PCDHAC1: variants seen among roughly 807,000 people sequenced by gnomAD.
The protein encoded by PCDHAC1 is protocadherin alpha-C1.
In PCDHAC1, 42 loss-of-function variants were observed where a neutral mutation model predicts 60.0. That is an observed-to-expected ratio of 0.70 (90% CI 0.55 to 0.90). PCDHAC1 has a LOEUF of 0.90. Ranked by LOEUF, PCDHAC1 falls within the 40% of genes least tolerant of loss-of-function variation. The pLI is 0.00. For synonymous variants in PCDHAC1, 468 were observed against 499.3 expected (o/e 0.94, Z 0.84); for missense variants, 1,160 against 1,222.3 (o/e 0.95, Z 0.76).
rs782361945 is a variant in PCDHAC1 at position 140,928,844 on chromosome 5, C to T, written c.1952C>T (p.Thr651Ile). The T allele has an allele frequency of 1.2e-6, 2 of 1,614,168 alleles. No homozygotes were observed. Among genetic ancestry groups the T allele is most frequent in the Non-Finnish European group, 1.7e-6 (2 of 1,180,028 alleles). The change falls in exon 1 of 4, where the codon ACT becomes ATT. Residue 651 changes from threonine (T) to isoleucine (I), a missense_variant. By Grantham distance (89) the Thr-to-Ile change is moderately conservative. Coordinates refer to ENST00000253807, the MANE Select transcript of PCDHAC1 (RefSeq NM_018898.5). ...HGDPPLSSSVTLGVLLSNSVP... is the reference protein window; with the variant it reads ...HGDPPLSSSVILGVLLSNSVP... Reference sequence around the variant, plus strand: ...GACCCACCACTTTCCTCCTCTGTCACTCTGGGTGTGCTGTTGAGCAACTCT... The same window carrying T: ...GACCCACCACTTTCCTCCTCTGTCATTCTGGGTGTGCTGTTGAGCAACTCT...
intron 3 of PCDHAC1, among the ~76,000 whole-genome samples, chr5:141,002,678 C>T (rs1361402849): frequency 6.6e-6 from 1 of 152,136 alleles, no homozygotes; most frequent in Non-Finnish European, 1.5e-5. Context: ...AAAACCTATA[C>T]GACGTGCAGA....
At chr5:140,990,097 T>C (rs2097373826) in intron 3 of PCDHAC1, among the ~76,000 whole-genome samples, 1 of 151,922 alleles carries the variant, frequency 6.6e-6, no homozygotes, top group African/African-American at 2.4e-5. Flanking sequence ...GTGCTACTAT[T>C]GAAACAGGAA....
intron 2 of PCDHAC1, among the ~76,000 whole-genome samples, chr5:140,979,396 G>C (rs2096848299): frequency 6.6e-6 from 1 of 151,692 alleles, no homozygotes; most frequent in South Asian, 2.1e-4. Flanking sequence ...ATACATACAT[G>C]TTGTCTACCT....
chr5:141,010,225 C>T lies in PCDHAC1; in HGVS notation c.*288C>T. The T allele has an allele frequency of 6.4e-7, 1 of 1,551,848 alleles. No homozygotes were observed. The highest frequency in any genetic ancestry group is 8.7e-7 in the Non-Finnish European group (1 of 1,147,026). The stretch of plus-strand genomic sequence containing the variant: ...CCGCCGCAAAGGAGAGGCTTCCCAG[C>T]CCCGCCAGTGAGAGGTTGGACTCTC... On this transcript the variant is annotated 3_prime_UTR_variant, in exon 4 of 4. Coordinates refer to ENST00000253807, the MANE Select transcript of PCDHAC1 (RefSeq NM_018898.5).
chr5:140,985,273 T>C (rs1554246915), intron 3 of PCDHAC1, among the ~76,000 whole-genome samples: 1 of 152,178 alleles, frequency 6.6e-6, no homozygotes, highest in African/African-American at 2.4e-5. Context: ...GGACTACTTT[T>C]CTGCAATCTA....
chr5:140,966,699 C>A, intron 1 of PCDHAC1: 1 of 1,361,588 alleles, frequency 7.3e-7, no homozygotes, highest in Non-Finnish European at 9.4e-7. Context: ...GGGGCCCGGG[C>A]GTGGGGCACG....
intron 1 of PCDHAC1, among the ~76,000 whole-genome samples, chr5:140,940,230 T>C (rs1554213224): frequency 6.6e-6 from 1 of 152,212 alleles, no homozygotes; most frequent in Non-Finnish European, 1.5e-5. Flanking sequence ...TTCATTTTGG[T>C]ACATTAAAGT....
chr5:140,967,943 G>T, intron 1 of PCDHAC1: 1 of 1,614,190 alleles, frequency 6.2e-7, no homozygotes. Flanking sequence ...CAATGACCAA[G>T]ACTCAGGCCC....
At chr5:141,000,395 CTATATATA>C (rs1190667031) in intron 3 of PCDHAC1, among the ~76,000 whole-genome samples, 7 of 53,980 alleles carry the variant, frequency 1.3e-4, no homozygotes, top group South Asian at 8.9e-4. Flanking sequence ...CTCTCTCTCT[CTATATATA>C]TATATATATA....
chr5:140,997,100 T>G (rs1286807919), intron 3 of PCDHAC1, among the ~76,000 whole-genome samples: 1 of 152,170 alleles, frequency 6.6e-6, no homozygotes, highest in Non-Finnish European at 1.5e-5. Flanking sequence ...AGAGTTCTCA[T>G]GCACTCCTGC....
chr5:140,999,295 T>G (rs1554256739), intron 3 of PCDHAC1, among the ~76,000 whole-genome samples: 1 of 152,238 alleles, frequency 6.6e-6, no homozygotes, highest in Non-Finnish European at 1.5e-5. Context: ...ATTCTTTATT[T>G]CAGAATTTCT....
intron 1 of PCDHAC1, among the ~76,000 whole-genome samples, chr5:140,956,122 A>T (rs1371284760): frequency 6.6e-6 from 1 of 152,116 alleles, no homozygotes; most frequent in Non-Finnish European, 1.5e-5. Context: ...CTCTCTTCCT[A>T]TTTGAATACC....
chr5:140,985,929 CG>C (rs2097179106), intron 3 of PCDHAC1, among the ~76,000 whole-genome samples: 1 of 151,796 alleles, frequency 6.6e-6, no homozygotes, highest in Non-Finnish European at 1.5e-5. Flanking sequence ...TTAGTAGAGC[CG>C]GGGTTTCACT....
At chr5:140,935,104 A>C (rs1233919640) in intron 1 of PCDHAC1, among the ~76,000 whole-genome samples, 1 of 152,126 alleles carries the variant, frequency 6.6e-6, no homozygotes, top group South Asian at 2.1e-4. Flanking sequence ...GCCATTTTTC[A>C]AAGAGCTTTC....
intron 1 of PCDHAC1, among the ~76,000 whole-genome samples, chr5:140,946,311 T>C (rs896667905): frequency 6.6e-6 from 1 of 151,784 alleles, no homozygotes; most frequent in Non-Finnish European, 1.5e-5. Flanking sequence ...AGAATGGCTA[T>C]TATTGAAAGA....
At chr5:141,000,757 C>A (rs1236279352) in intron 3 of PCDHAC1, among the ~76,000 whole-genome samples, 1 of 151,158 alleles carries the variant, frequency 6.6e-6, no homozygotes, top group Non-Finnish European at 1.5e-5. Flanking sequence ...AAAAAAAAAT[C>A]TTAGCCAGGC....
At chr5:140,941,973 C>T (rs1249999637) in intron 1 of PCDHAC1, among the ~76,000 whole-genome samples, 4 of 152,068 alleles carry the variant, frequency 2.6e-5, no homozygotes, top group Admixed American at 1.3e-4. Context: ...TTTACTTTCC[C>T]TAAACCTTGA....
chr5:140,948,276 G>A (rs375889469), intron 1 of PCDHAC1, among the ~76,000 whole-genome samples: 1 of 151,520 alleles, frequency 6.6e-6, no homozygotes, highest in East Asian at 1.9e-4. Context: ...TAGAATATCT[G>A]TAAATAATTT....
At chr5:140,972,540 T>C (rs1375467339) in intron 1 of PCDHAC1, among the ~76,000 whole-genome samples, 1 of 152,148 alleles carries the variant, frequency 6.6e-6, no homozygotes, top group East Asian at 1.9e-4. Context: ...AAATCACTTG[T>C]GCAGTGAGGA....
Sources: allele counts gnomAD v4.1 joint callset (sites outside exome capture counted in the v4.1 genomes callset), GRCh38; gene constraint gnomAD v4.1.1; transcripts MANE v1.5; gene names NCBI Gene and HGNC (gene_info 2026-07-23, HGNC 2026-07-21).